Variants in GRIP1 observed in about 807,000 individuals in gnomAD.
The protein encoded by GRIP1 is glutamate receptor interacting protein 1.
A neutral mutation model predicts 129.9 loss-of-function variants in GRIP1; 45 were observed. The ratio of observed to expected loss-of-function variants is 0.35; its 90% confidence interval spans 0.27 to 0.44. GRIP1 has a LOEUF of 0.44. GRIP1 is among the 20% of genes least tolerant of loss of function. The pLI, the probability that GRIP1 is intolerant of heterozygous loss-of-function variation, is 1.00. For synonymous variants in GRIP1, 530 were observed against 520.8 expected (o/e 1.02, Z -0.24); for missense variants, 1,196 against 1,396.8 (o/e 0.86, Z 2.29).
chr12:66,870,217 T>A (rs1282832632), intron 1 of GRIP1, among the ~76,000 whole-genome samples: 4 of 152,080 alleles, frequency 2.6e-5, no homozygotes, highest in African/African-American at 9.7e-5. Flanking sequence ...CATGAGACAG[T>A]TGGGGCAAAT....
At chr12:66,551,120 A>G (rs1215222312) in intron 2 of GRIP1, among the ~76,000 whole-genome samples, 2 of 152,248 alleles carry the variant, frequency 1.3e-5, no homozygotes, top group African/African-American at 4.8e-5. Flanking sequence ...TAGATAAGTT[A>G]ACTACATTCT....
intron 5 of GRIP1, among the ~76,000 whole-genome samples, chr12:66,528,134 G>T (rs28587289): frequency 0.21 from 20,781 of 99,334 alleles, 2,100 homozygotes; most frequent in Middle Eastern, 0.28. Context: ...GAATTAGTAG[G>T]TTTTTTTTTT....
chr12:66,474,103 AC>A (rs1022114473), intron 7 of GRIP1, among the ~76,000 whole-genome samples: 5 of 152,080 alleles, frequency 3.3e-5, no homozygotes, highest in African/African-American at 1.2e-4. Context: ...TAGATGAATT[AC>A]TAACTAGAAT....
At chr12:66,538,360 C>T (rs190234195) in intron 4 of GRIP1, among the ~76,000 whole-genome samples, 6 of 151,610 alleles carry the variant, frequency 4.0e-5, no homozygotes, top group South Asian at 2.1e-4. Flanking sequence ...CCACCATGCC[C>T]GACTAATCTT....
At chr12:66,645,454 T>C (rs1361551680) in intron 1 of GRIP1, among the ~76,000 whole-genome samples, 3 of 152,194 alleles carry the variant, frequency 2.0e-5, no homozygotes. Flanking sequence ...AGTATTACTA[T>C]TATTATTCTC....
chr12:66,665,926 C>T (rs1275478277), intron 1 of GRIP1, among the ~76,000 whole-genome samples: 1 of 152,102 alleles, frequency 6.6e-6, no homozygotes, highest in Admixed American at 6.6e-5. Flanking sequence ...TCTGGGCCAA[C>T]TTTTCATACT....
intron 13 of GRIP1, among the ~76,000 whole-genome samples, chr12:66,443,740 G>C (rs762305431): frequency 3.9e-5 from 6 of 152,116 alleles, no homozygotes; most frequent in Non-Finnish European, 7.4e-5. Flanking sequence ...AAAGGCATGA[G>C]GTACCATGCC....
chr12:66,927,893 TAGTC>T (rs1336127282), intron 1 of GRIP1, among the ~76,000 whole-genome samples: 4 of 152,196 alleles, frequency 2.6e-5, no homozygotes, highest in African/African-American at 7.2e-5. Flanking sequence ...TGACCTATGT[TAGTC>T]AGACTGAAGG....
chr12:66,645,495 G>A lies in GRIP1; in HGVS notation c.55+33355C>T, dbSNP rs540754093. 7.2e-5 allele frequency among the ~76,000 whole-genome samples: 11 copies of A among 152,256 alleles called. No individual in the cohort carries two copies. The South Asian group carries it at 2.1e-3, about 29-fold the overall frequency. On this transcript the variant is annotated intron_variant, in intron 1 of 24. Coordinates refer to ENST00000359742, the MANE Select transcript of GRIP1 (RefSeq NM_001366722.1). ...ACAAAGGGATTAACTTTGGCTTGGA[G>A]AATTTAAGTGACTTTGTAACACTTT... is the stretch of plus-strand genomic sequence containing the variant.
intron 1 of GRIP1, among the ~76,000 whole-genome samples, chr12:66,772,714 G>A (rs2037857358): frequency 6.6e-6 from 1 of 152,182 alleles, no homozygotes; most frequent in Non-Finnish European, 1.5e-5. Context: ...GGGGATTGGA[G>A]ATAGAAAAGC....
At chr12:66,515,496 T>C in intron 7 of GRIP1, 123 bp downstream of exon 7, 1 of 892,820 alleles carries the variant, frequency 1.1e-6, no homozygotes, top group Non-Finnish European at 1.9e-6. Flanking sequence ...AATGATATAG[T>C]ATTTATGAAT....
chr12:66,979,236 A>ACAAACAAC (rs1437500076), intron 1 of GRIP1, among the ~76,000 whole-genome samples: 3 of 142,568 alleles, frequency 2.1e-5, no homozygotes, highest in African/African-American at 7.8e-5. Context: ...AAAAAAAAAA[A>ACAAACAAC]AAAAAAAAAA....
At position 66,392,686 on chromosome 12, in the gene GRIP1, G is replaced by A; in HGVS notation, c.2260C>T (p.Gln754Ter). 6.2e-7 allele frequency: 1 copy of A among 1,614,064 alleles called. No individual in the cohort carries two copies. Among genetic ancestry groups the A allele is most frequent in the Non-Finnish European group, 8.5e-7 (1 of 1,179,952 alleles). ...TCAATTCACTACTCACCATCTGTCT[G>A]TTTCTTAATTTTCAAGGTGACAGTC... ...GETVTLKIKK[Q>*]TDAQSASSPK... The change falls in exon 18 of 25, where the codon CAG becomes TAG. Residue 754 changes from glutamine to a stop codon, truncating the protein, a stop_gained. Coordinates refer to ENST00000359742, the MANE Select transcript of GRIP1 (RefSeq NM_001366722.1). LOFTEE classifies it high-confidence loss of function.
chr12:67,040,543 G>T (rs762428279), intron 1 of GRIP1, among the ~76,000 whole-genome samples: 27 of 152,132 alleles, frequency 1.8e-4, no homozygotes, highest in Non-Finnish European at 3.1e-4. Flanking sequence ...TCCCTTCATG[G>T]GTCACCTAAT....
intron 1 of GRIP1, among the ~76,000 whole-genome samples, chr12:66,597,218 C>A (rs775701201): frequency 6.6e-6 from 1 of 151,986 alleles, no homozygotes; most frequent in Non-Finnish European, 1.5e-5. Context: ...AAGAAGTATG[C>A]AAATATAGTA....
chr12:66,751,686 GA>G (rs1320171331), intron 1 of GRIP1, among the ~76,000 whole-genome samples: 2 of 152,152 alleles, frequency 1.3e-5, no homozygotes, highest in Non-Finnish European at 2.9e-5. Context: ...AATTAAATAA[GA>G]ATATAGATTT....
chr12:66,698,911 G>A (rs1486655614), intron 1 of GRIP1, among the ~76,000 whole-genome samples: 5 of 152,170 alleles, frequency 3.3e-5, no homozygotes, highest in Non-Finnish European at 7.3e-5. Flanking sequence ...CATAAGTGGG[G>A]AAAACAGCAG....
At chr12:67,001,121 A>C (rs1363536910) in intron 1 of GRIP1, among the ~76,000 whole-genome samples, 1 of 152,194 alleles carries the variant, frequency 6.6e-6, no homozygotes, top group Non-Finnish European at 1.5e-5. Context: ...CTTCCAGGCC[A>C]GTTCAACTTA....
At chr12:66,941,802 TATTC>T (rs1285674501) in intron 1 of GRIP1, among the ~76,000 whole-genome samples, 4 of 152,214 alleles carry the variant, frequency 2.6e-5, no homozygotes, top group African/African-American at 9.6e-5. Context: ...CCTCCTGAAT[TATTC>T]ATTGTTCTGA....
Sources: allele counts gnomAD v4.1 joint callset (sites outside exome capture counted in the v4.1 genomes callset), GRCh38; gene constraint gnomAD v4.1.1; transcripts MANE v1.5; gene names NCBI Gene and HGNC (gene_info 2026-07-23, HGNC 2026-07-21).